The following MBD2 variants were observed in gnomAD, a reference collection of about 807,000 sequenced individuals.
MBD2 encodes methyl-CpG-binding domain protein 2.
In MBD2, 9 loss-of-function variants were observed where a neutral mutation model predicts 39.3. That is an observed-to-expected ratio of 0.23 (90% CI 0.14 to 0.40). MBD2 has a LOEUF of 0.40. Ranked by LOEUF, MBD2 falls within the 10% of genes least tolerant of loss-of-function variation. The pLI is 1.00. For missense variants in MBD2, 458 were observed against 532.6 expected (o/e 0.86, Z 1.38); for synonymous variants, 233 against 211.1 (o/e 1.10, Z -0.90).
At chr18:54,161,687 C>G (rs180695815) in intron 5 of MBD2, among the ~76,000 whole-genome samples, 2 of 152,328 alleles carry the variant, frequency 1.3e-5, no homozygotes, top group East Asian at 1.9e-4. Context: ...TTTGTGAGAG[C>G]TGAAATTTAA....
At position 54,152,994 on chromosome 18, in the gene MBD2, A is replaced by G. The variant is rs2143902151; in HGVS notation, c.*2330T>C. 1 of 152,346 alleles carries G rather than the reference A, an allele frequency of 6.6e-6. No homozygotes were observed. The highest frequency in any genetic ancestry group is 1.9e-4 in the East Asian group (1 of 5,184). 9.4% of individuals were successfully genotyped at this position (152,346 alleles called of 1,614,324 possible). ...CTGCATACAAAGATAAGTGAGGGAA[A>G]TAATACAGTCACATTTGCCTGTTTT... On this transcript the variant is annotated 3_prime_UTR_variant, in exon 7 of 7. Coordinates refer to ENST00000256429, the MANE Select transcript of MBD2 (RefSeq NM_003927.5).
intron 5 of MBD2, among the ~76,000 whole-genome samples, 197 bp downstream of exon 5, chr18:54,164,326 C>A (rs896192365): frequency 2.0e-5 from 3 of 152,130 alleles, no homozygotes; most frequent in Non-Finnish European, 4.4e-5. Flanking sequence ...AGCATTTATA[C>A]CCGTTTCAAG....
Position 54,224,371 on chromosome 18 carries a change from C to T in MBD2, c.189G>A (p.Arg63=). The T allele has an allele frequency of 8.3e-7, 1 of 1,205,216 alleles. No individual in the cohort carries two copies. Among genetic ancestry groups the T allele is most frequent in the Non-Finnish European group, 1.0e-6 (1 of 969,932 alleles). The allele number at this position is 1,205,216 out of a possible 1,614,324, so 74.7% of individuals were successfully genotyped here. A position where few individuals can be genotyped will look rare whatever the true frequency, so the allele number is the denominator to read the frequency against. The stretch of plus-strand genomic sequence containing the variant: ...CGCCGCCCCGGCCCGCCTGCTTCCA[C>T]CGCCCCCGGCCACGGCCGCCGCCCC... The part of the protein sequence containing the change: ...GARGGGRGRG[R]WKQAGRGGGV... The change falls in exon 1 of 7, where the codon CGG becomes CGA. Residue 63 remains arginine, a synonymous_variant. Transcript: ENST00000256429.
At chr18:54,168,048 A>C (rs974812376) in intron 3 of MBD2, among the ~76,000 whole-genome samples, 3 of 150,326 alleles carry the variant, frequency 2.0e-5, no homozygotes, top group Non-Finnish European at 4.4e-5. Context: ...TTTTATAATT[A>C]AATATAATTA....
intron 2 of MBD2, among the ~76,000 whole-genome samples, chr18:54,199,310 T>C (rs2086388763): frequency 6.6e-6 from 1 of 152,208 alleles, no homozygotes; most frequent in Non-Finnish European, 1.5e-5. Flanking sequence ...TTATCCTCCC[T>C]GATCTCTAAC....
At chr18:54,199,038 C>T (rs976181774) in intron 2 of MBD2, among the ~76,000 whole-genome samples, 9 of 152,150 alleles carry the variant, frequency 5.9e-5, no homozygotes, top group African/African-American at 2.2e-4. Flanking sequence ...AACAAGTTTC[C>T]TCTAAAGAGG....
chr18:54,197,750 T>C (rs965397761), intron 2 of MBD2, among the ~76,000 whole-genome samples: 4 of 152,202 alleles, frequency 2.6e-5, no homozygotes, highest in African/African-American at 9.7e-5. Flanking sequence ...ATCATTATCA[T>C]CATCAAAATC....
chr18:54,171,096 G>A (rs1362622541), intron 3 of MBD2, among the ~76,000 whole-genome samples: 1 of 151,890 alleles, frequency 6.6e-6, no homozygotes, highest in Non-Finnish European at 1.5e-5. Flanking sequence ...AGACTGGTTT[G>A]GTTTGTGTTG....
chr18:54,219,968 T>C (rs1318721615), intron 1 of MBD2, among the ~76,000 whole-genome samples: 1 of 152,096 alleles, frequency 6.6e-6, no homozygotes, highest in East Asian at 1.9e-4. Flanking sequence ...GCCTGGCTAA[T>C]TTTTTTGTAT....
chr18:54,166,853 T>G (rs751862113), intron 3 of MBD2, among the ~76,000 whole-genome samples: 6 of 152,232 alleles, frequency 3.9e-5, no homozygotes, highest in Non-Finnish European at 8.8e-5. Context: ...TGGAGCCTTT[T>G]GCTTATTCAA....
At chr18:54,220,614 AT>A (rs1227927970) in intron 1 of MBD2, among the ~76,000 whole-genome samples, 1 of 152,184 alleles carries the variant, frequency 6.6e-6, no homozygotes, top group South Asian at 2.1e-4. Context: ...TGTGTGAACA[AT>A]TGGGTGCAGG....
At chr18:54,200,264 C>T (rs1304351714) in intron 2 of MBD2, among the ~76,000 whole-genome samples, 1 of 152,090 alleles carries the variant, frequency 6.6e-6, no homozygotes, top group Non-Finnish European at 1.5e-5. Flanking sequence ...TTGTTCCATA[C>T]CATATTCATA....
intron 1 of MBD2, among the ~76,000 whole-genome samples, chr18:54,219,840 G>A (rs634693): frequency 0.055 from 8,412 of 152,136 alleles, 743 homozygotes; most frequent in African/African-American, 0.19. Flanking sequence ...TCGCTCTGTC[G>A]CCCAGGCTGG....
chr18:54,223,900 C>T (rs2086635686), intron 1 of MBD2, 118 bp downstream of exon 1: 3 of 830,942 alleles, frequency 3.6e-6, no homozygotes, highest in South Asian at 3.8e-5. Flanking sequence ...CACCACCAAA[C>T]CAGCCTGTCC....
intron 1 of MBD2, among the ~76,000 whole-genome samples, chr18:54,220,097 G>A (rs556120127): frequency 4.2e-4 from 64 of 152,212 alleles, no homozygotes; most frequent in African/African-American, 1.3e-3. Context: ...CACAGCGACC[G>A]ACCTAGACTT....
intron 6 of MBD2, among the ~76,000 whole-genome samples, chr18:54,155,524 CTAT>C (rs542168256): frequency 5.7e-4 from 87 of 152,278 alleles, no homozygotes; most frequent in African/African-American, 2.0e-3. Context: ...ATAACCTTTA[CTAT>C]CCTGTTAATT....
At chr18:54,182,464 T>G (rs944461589) in intron 3 of MBD2, among the ~76,000 whole-genome samples, 1 of 152,134 alleles carries the variant, frequency 6.6e-6, no homozygotes, top group Non-Finnish European at 1.5e-5. Context: ...AGGGGATGAA[T>G]AGCATATGCA....
At position 54,224,372 on chromosome 18, in the gene MBD2, C is replaced by A; in HGVS notation, c.188G>T (p.Arg63Leu). The change falls in exon 1 of 7, where the codon CGG becomes CTG. Residue 63 changes from arginine (R) to leucine (L), a missense_variant. This residue lies in a region of MBD2 where 269 missense variants were observed against 236.0 expected (regional missense o/e 1.14). Transcript: ENST00000256429. ...GARGGGRGRG[R>L]WKQAGRGGGV... Reference sequence around the variant, plus strand: ...GCCGCCCCGGCCCGCCTGCTTCCACCGCCCCCGGCCACGGCCGCCGCCCCG... The same window carrying A: ...GCCGCCCCGGCCCGCCTGCTTCCACAGCCCCCGGCCACGGCCGCCGCCCCG... 8.3e-7 allele frequency: 1 copy of A among 1,207,170 alleles called. No homozygotes were observed. The highest frequency in any genetic ancestry group is 1.0e-6 in the Non-Finnish European group (1 of 971,114). 74.8% of individuals were successfully genotyped at this position (1,207,170 alleles called of 1,614,324 possible).
At position 54,164,572 on chromosome 18, in the gene MBD2, T is replaced by G. The variant is rs2086117426; in HGVS notation, c.1060A>C (p.Thr354Pro). The G allele has an allele frequency of 6.2e-7, 1 of 1,614,190 alleles. No homozygotes were observed. ...VEKNPAVWLNTSQPLCKAFIV... is the reference protein window; with the variant it reads ...VEKNPAVWLNPSQPLCKAFIV... ...AAAGCTTTGCAGAGGGGTTGAGATG[T>G]GTTAAGCCAAACAGCAGGGTTCTTT... The change falls in exon 5 of 7, where the codon ACA becomes CCA. Residue 354 changes from threonine to proline, a missense_variant. Physicochemically the swap from Thr to Pro is conservative, Grantham distance 38. Coordinates refer to ENST00000256429, the MANE Select transcript of MBD2 (RefSeq NM_003927.5).
Sources: allele counts gnomAD v4.1 joint callset (sites outside exome capture counted in the v4.1 genomes callset), GRCh38; gene constraint gnomAD v4.1.1; regional missense constraint gnomAD v4.1.1; transcripts MANE v1.5; gene names NCBI Gene and HGNC (gene_info 2026-07-23, HGNC 2026-07-21).